Variants in CERS6 observed in about 807,000 individuals in gnomAD.
The protein encoded by CERS6 is LAG1 homolog, ceramide synthase 6.
In CERS6, 26 loss-of-function variants were observed where a neutral mutation model predicts 56.8. The ratio of observed to expected loss-of-function variants is 0.46; its 90% CI spans 0.34 to 0.63. CERS6 has a LOEUF of 0.63. CERS6 is among the 30% of genes least tolerant of loss of function. The pLI, the probability that CERS6 is intolerant of heterozygous loss-of-function variation, is 0.01. For synonymous variants in CERS6, 164 were observed against 173.3 expected (o/e 0.95, Z 0.42); for missense variants, 415 against 467.5 (o/e 0.89, Z 1.04).
intron 8 of CERS6, among the ~76,000 whole-genome samples, chr2:168,764,748 C>T (rs1441239941): frequency 6.6e-6 from 1 of 152,134 alleles, no homozygotes; most frequent in Non-Finnish European, 1.5e-5. Flanking sequence ...CCAAAAGCAA[C>T]TTCAAAGATC....
chr2:168,537,941 T>A (rs1695295148), intron 1 of CERS6, among the ~76,000 whole-genome samples: 1 of 152,186 alleles, frequency 6.6e-6, no homozygotes, highest in Non-Finnish European at 1.5e-5. Flanking sequence ...AACCTTGTTG[T>A]TACCTCTTAT....
At chr2:168,546,257 A>T (rs1045830646) in intron 1 of CERS6, among the ~76,000 whole-genome samples, 1 of 152,210 alleles carries the variant, frequency 6.6e-6, no homozygotes, top group Non-Finnish European at 1.5e-5. Context: ...GCAGCTCAGA[A>T]AATTTTACAT....
At chr2:168,747,824 CACGCTCACACATAA>C (rs890120221) in intron 8 of CERS6, among the ~76,000 whole-genome samples, 1 of 108,776 alleles carries the variant, frequency 9.2e-6, no homozygotes, top group African/African-American at 4.1e-5. Flanking sequence ...ACTTCCTACA[CACGCTCACACATAA>C]ACACACACAC....
At chr2:168,554,562 G>A (rs1695641102) in intron 2 of CERS6, among the ~76,000 whole-genome samples, 1 of 152,108 alleles carries the variant, frequency 6.6e-6, no homozygotes, top group East Asian at 1.9e-4. Context: ...CAAGGAGAGA[G>A]GCCTGGTACA....
At chr2:168,494,301 C>T (rs1694425129) in intron 1 of CERS6, among the ~76,000 whole-genome samples, 1 of 152,100 alleles carries the variant, frequency 6.6e-6, no homozygotes, top group Non-Finnish European at 1.5e-5. Flanking sequence ...TTATAGAGTG[C>T]AGTGGTTAAG....
At chr2:168,572,325 T>TATATATA (rs1696004339) in intron 3 of CERS6, among the ~76,000 whole-genome samples, 1 of 152,034 alleles carries the variant, frequency 6.6e-6, no homozygotes, top group Non-Finnish European at 1.5e-5. Context: ...TACAGTTCAG[T>TATATATA]TGCTGTGATG....
chr2:168,631,561 A>G lies in CERS6; in HGVS notation c.465+519A>G, dbSNP rs1386769153. 2.5e-5 allele frequency among the ~76,000 whole-genome samples: 3 copies of G among 120,300 alleles called. No individual in the cohort carries two copies. In the East Asian group the frequency reaches 6.5e-4, roughly 26 times the overall value. The allele number at this position is 120,300 out of a possible 152,430, so 78.9% of individuals were successfully genotyped here. A position where few individuals can be genotyped will look rare whatever the true frequency, so the allele number is the denominator to read the frequency against. Reference sequence around the variant, plus strand: ...TAAATATATTATATTTTTAATATTTATATATTAAATATAATATATATTTAA... The same window carrying G: ...TAAATATATTATATTTTTAATATTTGTATATTAAATATAATATATATTTAA... On this transcript the variant is annotated intron_variant, in intron 4 of 9. Transcript: ENST00000305747.
chr2:168,728,241 G>C (rs1376045281), intron 8 of CERS6, among the ~76,000 whole-genome samples: 1 of 152,042 alleles, frequency 6.6e-6, no homozygotes, highest in Admixed American at 6.6e-5. Flanking sequence ...GAAGAGACTT[G>C]CCAACTCTCT....
chr2:168,738,196 A>G (rs576482784), intron 8 of CERS6, among the ~76,000 whole-genome samples: 2 of 152,214 alleles, frequency 1.3e-5, no homozygotes, highest in Non-Finnish European at 2.9e-5. Context: ...TCTGTGACAA[A>G]TGAAGCTGGG....
At position 168,456,375 on chromosome 2, in the gene CERS6, C is replaced by G; in HGVS notation, c.-74C>G. 1 of 1,242,510 alleles carries G rather than the reference C, an allele frequency of 8.0e-7. No individual in the cohort carries two copies. The highest frequency in any genetic ancestry group is 1.1e-6 in the Non-Finnish European group (1 of 940,172). 77.0% of individuals were successfully genotyped at this position (1,242,510 alleles called of 1,614,324 possible). ...ACAGGCTCGGGGCCAGCCGGGCGCGCATCCCCGGGCGCCCTGCGCGGTGGA... is the reference window on the plus strand; with the variant it reads ...ACAGGCTCGGGGCCAGCCGGGCGCGGATCCCCGGGCGCCCTGCGCGGTGGA... On this transcript the variant is annotated 5_prime_UTR_variant, in exon 1 of 10. Transcript: ENST00000305747. This position sits in a 1 kb window ranked among gnomAD's most constrained non-coding sequence, Gnocchi z 4.1.
intron 3 of CERS6, among the ~76,000 whole-genome samples, chr2:168,596,927 A>G (rs535572084): frequency 1.4e-4 from 22 of 152,328 alleles, no homozygotes; most frequent in Non-Finnish European, 3.1e-4. Flanking sequence ...ACTGAATTCA[A>G]GAATCCTTTT....
intron 3 of CERS6, among the ~76,000 whole-genome samples, chr2:168,562,692 T>C (rs897956857): frequency 3.9e-5 from 6 of 152,202 alleles, no homozygotes; most frequent in African/African-American, 1.2e-4. Context: ...TATCTCAGAA[T>C]TGAACAAATG....
chr2:168,749,578 AGCTGGG>A (rs1684201838), intron 8 of CERS6, among the ~76,000 whole-genome samples: 1 of 151,410 alleles, frequency 6.6e-6, no homozygotes, highest in Non-Finnish European at 1.5e-5. Flanking sequence ...TGGAGCAGGA[AGCTGGG>A]ACTGTGGCTA....
At chr2:168,751,394 C>T (rs779112094) in intron 8 of CERS6, among the ~76,000 whole-genome samples, 2 of 152,168 alleles carry the variant, frequency 1.3e-5, no homozygotes, top group Non-Finnish European at 2.9e-5. Flanking sequence ...GGAGCCCATG[C>T]CACTTCAGTA....
At chr2:168,736,893 C>G (rs539067144) in intron 8 of CERS6, among the ~76,000 whole-genome samples, 1 of 152,310 alleles carries the variant, frequency 6.6e-6, no homozygotes, top group Non-Finnish European at 1.5e-5. Context: ...CTACCTCGCC[C>G]TCACAGAAGG....
At chr2:168,590,619 A>G (rs930598651) in intron 3 of CERS6, among the ~76,000 whole-genome samples, 6 of 152,316 alleles carry the variant, frequency 3.9e-5, no homozygotes, top group Non-Finnish European at 7.3e-5. Context: ...GCATTTTTCA[A>G]TGTATAATTT....
At chr2:168,538,726 A>G (rs1050642544) in intron 1 of CERS6, among the ~76,000 whole-genome samples, 1 of 152,216 alleles carries the variant, frequency 6.6e-6, no homozygotes, top group African/African-American at 2.4e-5. Flanking sequence ...CTGATACATA[A>G]TAGATGCTCA....
chr2:168,765,593 G>T lies in CERS6; in HGVS notation c.847G>T (p.Val283Leu), dbSNP rs1360403489. The T allele has an allele frequency of 3.7e-6, 6 of 1,612,716 alleles. No homozygotes were observed. The highest frequency in any genetic ancestry group is 3.4e-6 in the Non-Finnish European group (4 of 1,179,582). ...TAATCACCTCCTTCTTTTCCTTAGGGTGTTAAATACCACATTATTTGAAAG... is the reference window on the plus strand; with the variant it reads ...TAATCACCTCCTTCTTTTCCTTAGGTTGTTAAATACCACATTATTTGAAAG... ...TTRLGIFPLW[V>L]LNTTLFESWE... The change falls in exon 9 of 10, where the codon GTG (valine) becomes TTG (leucine). Residue 283 changes from valine to leucine, a missense_variant and splice_region_variant. Val to Leu is a conservative substitution (Grantham distance 32). Coordinates refer to ENST00000305747, the MANE Select transcript of CERS6 (RefSeq NM_203463.3).
chr2:168,605,466 A>G (rs1401780716), intron 3 of CERS6, among the ~76,000 whole-genome samples: 2 of 152,220 alleles, frequency 1.3e-5, no homozygotes. Flanking sequence ...TGTGGTAGAA[A>G]AGAAAAGCCC....
Sources: allele counts gnomAD v4.1 joint callset (sites outside exome capture counted in the v4.1 genomes callset), GRCh38; gene constraint gnomAD v4.1.1; non-coding constraint Gnocchi (gnomAD v3.1); transcripts MANE v1.5; gene names NCBI Gene and HGNC (gene_info 2026-07-23, HGNC 2026-07-21).